Variants in STAM2 observed in about 807,000 individuals in gnomAD.
STAM2 encodes the protein signal transducing adaptor molecule 2, also known as signal transducing adapter molecule 2.
A neutral mutation model predicts 65.6 loss-of-function variants in STAM2; 51 were observed. The ratio of observed to expected loss-of-function variants is 0.78; its 90% CI spans 0.62 to 0.98. STAM2 has a LOEUF of 0.98. Among genes scored for constraint, STAM2 ranks in the 50% least tolerant of loss-of-function variants. The pLI, the probability that STAM2 is intolerant of heterozygous loss-of-function variation, is 0.00. For synonymous variants in STAM2, 198 were observed against 208.4 expected (o/e 0.95, Z 0.43); for missense variants, 584 against 617.8 (o/e 0.95, Z 0.58).
Position 152,126,027 on chromosome 2 carries a change from A to G in STAM2, c.1179+199T>C, listed in dbSNP as rs1439585724. On this transcript the variant is annotated intron_variant, in intron 12 of 13. Transcript: ENST00000263904. ...CCATGTTAAAACTGAACTAAAATGTATTTGTGAAATATCAGTATCTGTCTA... is the reference window on the plus strand; with the variant it reads ...CCATGTTAAAACTGAACTAAAATGTGTTTGTGAAATATCAGTATCTGTCTA... The G allele has an allele frequency of 3.1e-5, 13 of 425,350 alleles. No individual in the cohort carries two copies. In the East Asian group the frequency reaches 5.0e-4, roughly 16 times the overall value. 26.3% of individuals were successfully genotyped at this position (425,350 alleles called of 1,614,324 possible).
intron 1 of STAM2, among the ~76,000 whole-genome samples, chr2:152,163,367 G>C (rs1689719572): frequency 6.6e-6 from 1 of 152,068 alleles, no homozygotes; most frequent in African/African-American, 2.4e-5. Context: ...AATTTCTTAT[G>C]CCTGTCTTTA....
rs1467994201 is a variant in STAM2, at chr2:152,122,074, A to ATATGTGTG, written c.1350-1280_1350-1273dup. 2.2e-5 allele frequency among the ~76,000 whole-genome samples: 3 copies of ATATGTGTG among 135,614 alleles called. No individual in the cohort carries two copies. The South Asian group carries it at 7.5e-4, about 34-fold the overall frequency. The allele number at this position is 135,614 out of a possible 152,430, so 89.0% of individuals were successfully genotyped here. A position where few individuals can be genotyped will look rare whatever the true frequency, so the allele number is the denominator to read the frequency against. ...AAAAAAAAAATATATATATATATAT[A>ATATGTGTG]TATGTGTGTGTGTGTGTGTGTGTGT... On this transcript the variant is annotated intron_variant, in intron 13 of 13. Coordinates refer to ENST00000263904, the MANE Select transcript of STAM2 (RefSeq NM_005843.6).
At chr2:152,164,893 C>G (rs1267978842) in intron 1 of STAM2, among the ~76,000 whole-genome samples, 1 of 152,100 alleles carries the variant, frequency 6.6e-6, no homozygotes, top group Non-Finnish European at 1.5e-5. Context: ...GGCAAAAATC[C>G]TGGGGCCAGC....
intron 13 of STAM2, among the ~76,000 whole-genome samples, chr2:152,121,959 A>G (rs751301727): frequency 1.4e-4 from 21 of 151,410 alleles, no homozygotes; most frequent in Non-Finnish European, 2.9e-4. Context: ...GAGGCAAGAG[A>G]ATGGCATGAA....
intron 1 of STAM2, among the ~76,000 whole-genome samples, chr2:152,170,745 C>A (rs1236032252): frequency 6.6e-6 from 1 of 152,188 alleles, no homozygotes; most frequent in Non-Finnish European, 1.5e-5. Flanking sequence ...CCTGTAATCC[C>A]AGCACTTTGG....
rs111519561 is a variant in STAM2 at position 152,159,748 on chromosome 2, C to G, written c.41-9519G>C. Among the ~76,000 whole-genome samples the G allele has an allele frequency of 5.9e-5, 9 of 152,330 alleles. 1 individual carries two copies. The highest frequency in any genetic ancestry group is 2.2e-4 in the African/African-American group (9 of 41,570). On this transcript the variant is annotated intron_variant, in intron 1 of 13. Transcript: ENST00000263904. ...CCCTCTCCCCACAGTCTCCCTCTCC[C>G]TCTCTTTCCACGGTCTCCCTCTGAT...
chr2:152,151,983 A>G (rs1689454560), intron 1 of STAM2, among the ~76,000 whole-genome samples: 1 of 152,168 alleles, frequency 6.6e-6, no homozygotes, highest in Non-Finnish European at 1.5e-5. Context: ...TCTGTTGCCC[A>G]GGCTGGTGTG....
Position 152,119,810 on chromosome 2 carries a change from T to C in STAM2, c.*764A>G, listed in dbSNP as rs1032734882. The stretch of plus-strand genomic sequence containing the variant: ...ATTCCTTCACAGTTGGCATGACTGT[T>C]TGGGGGACTGACTAAATGCTTTATC... On this transcript the variant is annotated 3_prime_UTR_variant, in exon 14 of 14. Transcript: ENST00000263904. The C allele has an allele frequency of 6.6e-6, 1 of 152,106 alleles. No individual in the cohort carries two copies. The highest frequency in any genetic ancestry group is 6.5e-5 in the Admixed American group (1 of 15,274). The allele number at this position is 152,106 out of a possible 1,614,324, so 9.4% of individuals were successfully genotyped here. A position where few individuals can be genotyped will look rare whatever the true frequency, so the allele number is the denominator to read the frequency against.
At chr2:152,129,933 C>T (rs1174813998) in intron 11 of STAM2, among the ~76,000 whole-genome samples, 2 of 152,158 alleles carry the variant, frequency 1.3e-5, no homozygotes, top group African/African-American at 2.4e-5. Flanking sequence ...GGAACAAAGA[C>T]GACAATCTCT....
chr2:152,144,125 T>C (rs992377692), intron 6 of STAM2, 112 bp from the exon 7 acceptor site: 1 of 822,554 alleles, frequency 1.2e-6, no homozygotes, highest in African/African-American at 1.8e-5. Context: ...TTTGTCTAAT[T>C]ACATGCTACA....
chr2:152,163,483 A>ATAG (rs1325990472), intron 1 of STAM2, among the ~76,000 whole-genome samples: 7 of 2,404 alleles, frequency 2.9e-3, no homozygotes, highest in Non-Finnish European at 0.028. Context: ...GTGTGTTTGA[A>ATAG]TAATAAATCT....
intron 11 of STAM2, chr2:152,131,890 G>T (rs2105534503): frequency 1.9e-6 from 1 of 513,094 alleles, no homozygotes; most frequent in South Asian, 2.4e-5. Flanking sequence ...AGTAAGCCAT[G>T]CAAAATTTTT....
intron 7 of STAM2, among the ~76,000 whole-genome samples, chr2:152,136,881 T>A (rs28754642): frequency 6.6e-6 from 1 of 150,606 alleles, no homozygotes; most frequent in Non-Finnish European, 1.5e-5. Context: ...TTTAAGAATA[T>A]AAACATTTTT....
chr2:152,134,300 T>C (rs1689114133), intron 8 of STAM2, among the ~76,000 whole-genome samples: 1 of 152,196 alleles, frequency 6.6e-6, no homozygotes, highest in Non-Finnish European at 1.5e-5. Flanking sequence ...TTTTTCCTCT[T>C]AATACTCTCC....
chr2:152,175,549 A>AACAGCAGTCCAGGGCCAGGCAC lies in STAM2; in HGVS notation c.40+32_40+53dup, dbSNP rs1302693470. 198 of 1,610,950 alleles carry AACAGCAGTCCAGGGCCAGGCAC rather than the reference A, an allele frequency of 1.2e-4. No individual in the cohort carries two copies. The African/African-American group carries it at 1.7e-3, about 14-fold the overall frequency. ...CTACCGCCCACTTTCTAGCCGGACA[A>AACAGCAGTCCAGGGCCAGGCAC]ACAGCAGTCCAGGGCCAGGCACACA... On this transcript the variant is annotated intron_variant, in intron 1 of 13. Coordinates refer to ENST00000263904, the MANE Select transcript of STAM2 (RefSeq NM_005843.6).
intron 1 of STAM2, among the ~76,000 whole-genome samples, chr2:152,155,846 A>T (rs1689532924): frequency 6.6e-6 from 1 of 152,220 alleles, no homozygotes; most frequent in Non-Finnish European, 1.5e-5. Flanking sequence ...GTGTATCTGG[A>T]ACCTCACACG....
chr2:152,175,485 C>T, intron 1 of STAM2, 118 bp downstream of exon 1: 2 of 1,351,818 alleles, frequency 1.5e-6, no homozygotes, highest in Non-Finnish European at 2.1e-6. Flanking sequence ...GGCACCGCCC[C>T]TCCCCTCCCT....
rs1192183895 is a variant in STAM2 at position 152,119,206 on chromosome 2, G to T, written c.*1368C>A. The T allele has an allele frequency of 6.6e-6, 1 of 152,024 alleles. No individual in the cohort carries two copies. Among genetic ancestry groups the T allele is most frequent in the Admixed American group, 6.6e-5 (1 of 15,234 alleles). 9.4% of individuals were successfully genotyped at this position (152,024 alleles called of 1,614,324 possible). A position where few individuals can be genotyped will look rare whatever the true frequency, so the allele number is the denominator to read the frequency against. On this transcript the variant is annotated 3_prime_UTR_variant, in exon 14 of 14. Coordinates refer to ENST00000263904, the MANE Select transcript of STAM2 (RefSeq NM_005843.6). ...ATTTGCAATTTCTATTTTCCAATAT[G>T]TAAAAAGTTGGTAGACAATGAAGTA...
At chr2:152,129,021 G>C (rs1436525476) in intron 11 of STAM2, among the ~76,000 whole-genome samples, 1 of 152,226 alleles carries the variant, frequency 6.6e-6, no homozygotes, top group African/African-American at 2.4e-5. Context: ...AGCTGCATCT[G>C]CAGCTGTGGC....
Sources: gnomAD v4.1 joint callset for allele counts (sites outside exome capture counted in the v4.1 genomes callset) on GRCh38, gnomAD v4.1.1 for gene constraint, MANE v1.5 for transcripts, NCBI Gene and HGNC (gene_info 2026-07-23, HGNC 2026-07-21) for gene names.